Variants in PROM1 observed in about 807,000 individuals in gnomAD.
PROM1 encodes prominin-1.
A neutral mutation model predicts 116.9 loss-of-function variants in PROM1; 105 were observed. The observed-to-expected ratio is 0.90, with a 90% confidence interval of 0.77 to 1.06. PROM1 has a LOEUF of 1.06. PROM1 is among the 50% of genes least tolerant of loss of function. The pLI is 0.00. For missense variants in PROM1, 1,122 were observed against 1,045.2 expected, an observed-to-expected ratio of 1.07 and a Z score of -1.01; for synonymous variants, 393 against 387.0, an observed-to-expected ratio of 1.02 and a Z score of -0.18.
intron 23 of PROM1, among the ~76,000 whole-genome samples, chr4:15,983,713 A>G (rs1577827761): frequency 6.6e-6 from 1 of 152,214 alleles, no homozygotes; most frequent in Non-Finnish European, 1.5e-5. Context: ...TCAGCCATGC[A>G]GAGCCTAGTA....
Position 16,051,411 on chromosome 4 carries a change from C to T in PROM1, c.221-12410G>A, listed in dbSNP as rs1316424640. ...TATAAATGTTATGCCATTATTATCA[C>T]TAACAACCTTTTGAGTGCTGGGAAA... is the stretch of plus-strand genomic sequence containing the variant. On this transcript the variant is annotated intron_variant, in intron 2 of 27. Coordinates refer to ENST00000447510, the MANE Select transcript of PROM1 (RefSeq NM_006017.3). Among the ~76,000 whole-genome samples the T allele has an allele frequency of 2.6e-5, 4 of 152,356 alleles. No homozygotes were observed. The South Asian group carries it at 8.3e-4, about 32-fold the overall frequency.
At chr4:16,017,254 C>T (rs1163877826) in intron 9 of PROM1, among the ~76,000 whole-genome samples, 1 of 152,066 alleles carries the variant, frequency 6.6e-6, no homozygotes, top group Non-Finnish European at 1.5e-5. Context: ...AAAATCGTGA[C>T]CCTTGAAGAA....
chr4:16,061,084 C>T (rs1303566120), intron 2 of PROM1, among the ~76,000 whole-genome samples: 2 of 152,126 alleles, frequency 1.3e-5, no homozygotes, highest in East Asian at 1.9e-4. Flanking sequence ...GTATTATAAA[C>T]TTGAATTTTC....
intron 5 of PROM1, among the ~76,000 whole-genome samples, chr4:16,030,096 A>G (rs1188180360): frequency 6.6e-6 from 1 of 152,172 alleles, no homozygotes; most frequent in African/African-American, 2.4e-5. Flanking sequence ...CCTAGCTTGG[A>G]TTACTTGCAA....
At chr4:15,970,862 C>T (rs759362919) in intron 27 of PROM1, among the ~76,000 whole-genome samples, 181 bp downstream of exon 27, 34 of 152,050 alleles carry the variant, frequency 2.2e-4, no homozygotes, top group Non-Finnish European at 4.0e-4. Flanking sequence ...TTGAATCAAT[C>T]GGTGGATGTG....
chr4:16,025,096 T>C (rs774262370), intron 6 of PROM1, 96 bp downstream of exon 6: 18 of 1,410,518 alleles, frequency 1.3e-5, no homozygotes, highest in Non-Finnish European at 1.8e-5. Flanking sequence ...ATTCACTGTG[T>C]TTCTAGAAGG....
intron 14 of PROM1, among the ~76,000 whole-genome samples, chr4:16,000,229 C>T (rs1038171580): frequency 2.0e-5 from 3 of 152,134 alleles, no homozygotes; most frequent in Non-Finnish European, 4.4e-5. Context: ...CCACATTGAG[C>T]GGCAGGACTT....
Position 16,038,855 on chromosome 4 carries a change from T to C in PROM1, c.276+91A>G, listed in dbSNP as rs1041697475. On this transcript the variant is annotated intron_variant, in intron 3 of 27. Transcript: ENST00000447510. ...AAGATTACTAAAATTGCAGATTGAA[T>C]AACTGGTTATTTAAAGATTTACTTT... is the stretch of plus-strand genomic sequence containing the variant. The C allele has an allele frequency of 1.6e-5, 20 of 1,272,300 alleles. No homozygotes were observed. In the African/African-American group the frequency reaches 1.9e-4, roughly 12 times the overall value. 78.8% of individuals were successfully genotyped at this position (1,272,300 alleles called of 1,614,324 possible).
chr4:16,055,897 C>CA (rs1738895383), intron 2 of PROM1, among the ~76,000 whole-genome samples: 1 of 152,084 alleles, frequency 6.6e-6, no homozygotes, highest in Admixed American at 6.5e-5. Context: ...TAAACACAAA[C>CA]AAAAACATTT....
intron 9 of PROM1, 24 bp from the exon 10 acceptor site, chr4:16,016,264 T>C (rs1434969321): frequency 2.6e-6 from 4 of 1,529,524 alleles, no homozygotes; most frequent in Non-Finnish European, 3.5e-6. Context: ...AAACAAAATA[T>C]AAGACAAGGT....
rs190214512 is a variant in PROM1 at position 15,991,875 on chromosome 4, G to A, written c.1911+373C>T. Among the ~76,000 whole-genome samples, 87 of 148,042 alleles carry A rather than the reference G, an allele frequency of 5.9e-4. 1 individual carries two copies. The East Asian group carries it at 0.015, about 25-fold the overall frequency. On this transcript the variant is annotated intron_variant, in intron 17 of 27. Transcript: ENST00000447510. Reference sequence around the variant, plus strand: ...CACTTGAACCCAGGAAGTGGAGGTTGCAGTGAGCCGAGATTGCGCCACTGC... The same window carrying A: ...CACTTGAACCCAGGAAGTGGAGGTTACAGTGAGCCGAGATTGCGCCACTGC...
At chr4:15,978,766 T>C (rs1414255194) in intron 26 of PROM1, among the ~76,000 whole-genome samples, 1 of 152,204 alleles carries the variant, frequency 6.6e-6, no homozygotes. Flanking sequence ...CTCCACCTCT[T>C]ATAAGCAGAT....
At chr4:15,977,943 ATGTT>A (rs1716639561) in intron 26 of PROM1, among the ~76,000 whole-genome samples, 2 of 152,112 alleles carry the variant, frequency 1.3e-5, no homozygotes, top group Non-Finnish European at 1.5e-5. Context: ...TCTGATCTGA[ATGTT>A]TGTGCACTCT....
At chr4:16,009,599 C>G (rs1028788788) in intron 11 of PROM1, among the ~76,000 whole-genome samples, 4 of 152,104 alleles carry the variant, frequency 2.6e-5, no homozygotes, top group African/African-American at 4.8e-5. Context: ...GTCCCCCTTA[C>G]ATGCTTTTGG....
chr4:16,039,077 T>C, intron 2 of PROM1, 76 bp from the exon 3 acceptor site: 5 of 1,209,014 alleles, frequency 4.1e-6, no homozygotes, highest in Middle Eastern at 2.5e-4. Context: ...AAAAGATCTT[T>C]ATATGCTTAA....
intron 2 of PROM1, among the ~76,000 whole-genome samples, chr4:16,042,084 G>A (rs1735434076): frequency 6.6e-6 from 1 of 151,994 alleles, no homozygotes; most frequent in Non-Finnish European, 1.5e-5. Flanking sequence ...AAAGCACTGG[G>A]GTTACAGGCG....
intron 5 of PROM1, among the ~76,000 whole-genome samples, chr4:16,032,584 A>T (rs761434634): frequency 5.9e-5 from 9 of 152,204 alleles, no homozygotes; most frequent in Admixed American, 1.3e-4. Flanking sequence ...GAATGAGGAA[A>T]TGTGGAACAA....
At chr4:16,042,583 T>G (rs966985192) in intron 2 of PROM1, among the ~76,000 whole-genome samples, 2 of 152,276 alleles carry the variant, frequency 1.3e-5, no homozygotes, top group African/African-American at 2.4e-5. Flanking sequence ...CCCCATAAAT[T>G]TATACAAATT....
chr4:15,983,571 G>A (rs949905485), intron 23 of PROM1, among the ~76,000 whole-genome samples: 18 of 152,132 alleles, frequency 1.2e-4, no homozygotes, highest in Admixed American at 8.5e-4. Flanking sequence ...CAGAAGAAAC[G>A]GCATGTGCAT....
Sources: gnomAD v4.1 joint callset for allele counts (sites outside exome capture counted in the v4.1 genomes callset) on GRCh38, gnomAD v4.1.1 for gene constraint, MANE v1.5 for transcripts, NCBI Gene and HGNC (gene_info 2026-07-23, HGNC 2026-07-21) for gene names.